STIL: variants seen among roughly 807,000 people sequenced by gnomAD.
STIL encodes the protein STIL centriolar assembly protein, also known as SCL-interrupting locus protein.
A neutral mutation model predicts 110.1 loss-of-function variants in STIL; 55 were observed. The ratio of observed to expected loss-of-function variants is 0.50; its 90% CI spans 0.40 to 0.63. The LOEUF is 0.63. Ranked by LOEUF, STIL falls within the 20% of genes least tolerant of loss-of-function variation. The pLI is 0.00. For synonymous variants in STIL, 481 were observed against 530.0 expected, an observed-to-expected ratio of 0.91 and a Z score of 1.27; for missense variants, 1,358 against 1,530.0, an observed-to-expected ratio of 0.89 and a Z score of 1.87.
At chr1:47,274,238 A>G (rs1644921619) in intron 12 of STIL, among the ~76,000 whole-genome samples, 1 of 152,260 alleles carries the variant, frequency 6.6e-6, no homozygotes, top group South Asian at 2.1e-4. Flanking sequence ...TCAGGTCCTA[A>G]AATTGATCAC....
rs374215585 is a variant in STIL at position 47,293,574 on chromosome 1, A to G, written c.786-30T>C. 18 of 1,549,224 alleles carry G rather than the reference A, an allele frequency of 1.2e-5. No individual in the cohort carries two copies. The African/African-American group carries it at 1.9e-4, about 16-fold the overall frequency. On this transcript the variant is annotated intron_variant, in intron 7 of 16. Transcript: ENST00000371877. ...AAGAAAAAGATAGAAATTAAAAACC[A>G]TAGTCACTTACATATATAGCATAAT... is the stretch of plus-strand genomic sequence containing the variant.
chr1:47,252,693 G>A (rs911273425), intron 16 of STIL, among the ~76,000 whole-genome samples: 4 of 150,826 alleles, frequency 2.7e-5, no homozygotes, highest in African/African-American at 9.7e-5. Flanking sequence ...TTAGTAAGTA[G>A]CTCAGAAAAT....
At chr1:47,254,180 CAAAAAAAAAAAAAAAAAAA>C (rs59259774) in intron 16 of STIL, among the ~76,000 whole-genome samples, 2 of 61,408 alleles carry the variant, frequency 3.3e-5, no homozygotes, top group Non-Finnish European at 5.8e-5. Flanking sequence ...GACTCTGTCT[CAAAAAAAAAAAAAAAAAAA>C]AAAAAAAAAA....
At chr1:47,276,500 T>C (rs776097681) in intron 12 of STIL, among the ~76,000 whole-genome samples, 9 of 151,858 alleles carry the variant, frequency 5.9e-5, no homozygotes, top group African/African-American at 9.7e-5. Flanking sequence ...CATATGTTAA[T>C]ATAATGTAAA....
intron 15 of STIL, 65 bp downstream of exon 15, chr1:47,262,838 C>T: frequency 6.8e-7 from 1 of 1,472,876 alleles, no homozygotes; most frequent in African/African-American, 1.4e-5. Context: ...CTAGGAAAAG[C>T]TTAACTAGTA....
At chr1:47,311,439 T>C (rs1570312855) in intron 1 of STIL, among the ~76,000 whole-genome samples, 1 of 151,968 alleles carries the variant, frequency 6.6e-6, no homozygotes, top group Middle Eastern at 3.4e-3. Flanking sequence ...CATTCACCAC[T>C]GCACCCGGCT....
intron 13 of STIL, 100 bp downstream of exon 13, chr1:47,271,976 C>A: frequency 7.6e-7 from 1 of 1,315,874 alleles, no homozygotes; most frequent in Non-Finnish European, 1.1e-6. Context: ...TGGTTTTGGT[C>A]CTACTGCACC....
chr1:47,254,529 GTTTT>G (rs144518020), intron 16 of STIL, among the ~76,000 whole-genome samples: 1 of 149,148 alleles, frequency 6.7e-6, no homozygotes, highest in East Asian at 2.0e-4. Flanking sequence ...TCTAATTTGG[GTTTT>G]TTTTTTGTTT....
intron 16 of STIL, among the ~76,000 whole-genome samples, chr1:47,258,550 A>G (rs760178417): frequency 3.9e-5 from 6 of 152,208 alleles, no homozygotes; most frequent in Non-Finnish European, 2.9e-5. Context: ...TATCCAAGAT[A>G]TTATAATATC....
At chr1:47,303,012 A>G (rs774584551) in intron 3 of STIL, among the ~76,000 whole-genome samples, 7 of 152,234 alleles carry the variant, frequency 4.6e-5, no homozygotes, top group African/African-American at 1.7e-4. Flanking sequence ...AAAATATAGT[A>G]TGATTTAAAT....
intron 16 of STIL, among the ~76,000 whole-genome samples, chr1:47,259,481 G>A (rs1384707704): frequency 6.6e-6 from 1 of 151,408 alleles, no homozygotes; most frequent in African/African-American, 2.4e-5. Context: ...AGTAGAGACG[G>A]GGTTTCACCA....
At chr1:47,262,216 A>G (rs1053374425) in intron 15 of STIL, among the ~76,000 whole-genome samples, 1 of 152,206 alleles carries the variant, frequency 6.6e-6, no homozygotes, top group Non-Finnish European at 1.5e-5. Context: ...GGCCCTGTGA[A>G]GTATGTTGCC....
rs59216068 is a variant in STIL at position 47,271,802 on chromosome 1, C to T, written c.2383+274G>A. On this transcript the variant is annotated intron_variant, in intron 13 of 16. Coordinates refer to ENST00000371877, the MANE Select transcript of STIL (RefSeq NM_001048166.1). ...CTAGCTTGGGCAACACAGCGAGACT[C>T]CATTTCAAAAAAAAAAACAAAAAAC... Among the ~76,000 whole-genome samples the T allele has an allele frequency of 0.056, 8,412 of 150,478 alleles. 786 individuals carry two copies. The highest frequency in any genetic ancestry group is 0.2 in the African/African-American group (7,986 of 40,828).
At chr1:47,281,331 T>C in intron 11 of STIL, 122 bp from the exon 12 acceptor site, 1 of 1,038,570 alleles carries the variant, frequency 9.6e-7, no homozygotes, top group Non-Finnish European at 1.4e-6. Flanking sequence ...GTTCATTCTT[T>C]ATTTAGACCA....
intron 14 of STIL, among the ~76,000 whole-genome samples, chr1:47,266,329 A>T (rs929711891): frequency 3.3e-5 from 5 of 152,184 alleles, no homozygotes. Context: ...AAAGTAATCC[A>T]CTGCCTGCCC....
Position 47,310,196 on chromosome 1 carries a change from A to G in STIL, c.44+80T>C, listed in dbSNP as rs891328120. The G allele has an allele frequency of 2.3e-5, 32 of 1,390,164 alleles. 1 individual carries two copies. The highest frequency in any genetic ancestry group is 5.3e-5 in the Admixed American group (3 of 56,910). The allele number at this position is 1,390,164 out of a possible 1,614,324, so 86.1% of individuals were successfully genotyped here. ...AGAATTTCCTGATTCTAAAGATTATATTCTTTTTTCTCTTCCAACCTACCT... is the reference window on the plus strand; with the variant it reads ...AGAATTTCCTGATTCTAAAGATTATGTTCTTTTTTCTCTTCCAACCTACCT... On this transcript the variant is annotated intron_variant, in intron 2 of 16. Coordinates refer to ENST00000371877, the MANE Select transcript of STIL (RefSeq NM_001048166.1).
intron 10 of STIL, among the ~76,000 whole-genome samples, chr1:47,286,760 T>C (rs904649078): frequency 6.6e-6 from 1 of 152,140 alleles, no homozygotes; most frequent in African/African-American, 2.4e-5. Context: ...AAATGCACTA[T>C]AGAATTCTAG....
intron 3 of STIL, 78 bp downstream of exon 3, chr1:47,304,811 T>A (rs1234105608): frequency 9.3e-7 from 1 of 1,072,978 alleles, no homozygotes. Context: ...TTGGTCATAG[T>A]AATCAACTTT....
At chr1:47,276,632 AC>A (rs1203042807) in intron 12 of STIL, among the ~76,000 whole-genome samples, 2 of 151,394 alleles carry the variant, frequency 1.3e-5, no homozygotes, top group African/African-American at 2.4e-5. Flanking sequence ...ACATGGTGAA[AC>A]CCCTGTCTCT....
Sources: allele counts gnomAD v4.1 joint callset (sites outside exome capture counted in the v4.1 genomes callset), GRCh38; gene constraint gnomAD v4.1.1; transcripts MANE v1.5; gene names NCBI Gene and HGNC (gene_info 2026-07-23, HGNC 2026-07-21).